Variants in HLA-DRB5 observed in about 807,000 individuals in gnomAD.
The protein encoded by HLA-DRB5 is major histocompatibility complex, class II, DR beta 5, also known as DR beta-5.
A neutral mutation model predicts 22.4 loss-of-function variants in HLA-DRB5; 11 were observed. The observed-to-expected ratio is 0.49, with a 90% CI of 0.31 to 0.81. The LOEUF (loss-of-function observed/expected upper bound fraction) is 0.81. Ranked by LOEUF, HLA-DRB5 falls within the 40% of genes least tolerant of loss-of-function variation. The pLI, the probability that HLA-DRB5 is intolerant of heterozygous loss-of-function variation, is 0.05. For missense variants in HLA-DRB5, 106 were observed against 274.4 expected, an observed-to-expected ratio of 0.39 and a Z score of 4.34; for synonymous variants, 57 against 106.0, an observed-to-expected ratio of 0.54 and a Z score of 2.84.
At chr6:32,519,832 C>T (rs376174259) in intron 2 of HLA-DRB5, among the ~76,000 whole-genome samples, 181 bp from the exon 3 acceptor site, 40,949 of 63,606 alleles carry the variant, frequency 0.64, 17,386 homozygotes, top group Middle Eastern at 0.78. Flanking sequence ...GGGGGCTCAT[C>T]AGATTTGAGA....
At chr6:32,518,973 A>G (rs112702805) in intron 3 of HLA-DRB5, among the ~76,000 whole-genome samples, 1 of 96,156 alleles carries the variant, frequency 1.0e-5, no homozygotes, top group African/African-American at 3.7e-5. Context: ...TAAAAGGCAG[A>G]GCTGATATTG....
chr6:32,528,476 T>C (rs138940971), intron 1 of HLA-DRB5, among the ~76,000 whole-genome samples: 2,848 of 46,274 alleles, frequency 0.062, 935 homozygotes, highest in Middle Eastern at 0.16. Context: ...ACTGCAAGGA[T>C]CCTGGAAAGC....
At chr6:32,521,548 T>C (rs1581586531) in intron 2 of HLA-DRB5, among the ~76,000 whole-genome samples, 2 of 125,276 alleles carry the variant, frequency 1.6e-5, no homozygotes, top group African/African-American at 5.9e-5. Flanking sequence ...TACACTTTCC[T>C]TCCCTGCATC....
intron 1 of HLA-DRB5, among the ~76,000 whole-genome samples, chr6:32,523,157 CAT>C (rs1491060716): frequency 0.065 from 2,170 of 33,158 alleles, 11 homozygotes; most frequent in Middle Eastern, 0.1. Flanking sequence ...ACCATGATCC[CAT>C]GAATGTCCAC....
At chr6:32,521,011 G>C (rs144607337) in intron 2 of HLA-DRB5, among the ~76,000 whole-genome samples, 2,023 of 27,712 alleles carry the variant, frequency 0.073, 532 homozygotes, top group Non-Finnish European at 0.096. Flanking sequence ...TTATAATTGG[G>C]CAATAAATAG....
chr6:32,523,178 C>A (rs986742694), intron 1 of HLA-DRB5, among the ~76,000 whole-genome samples: 1,020 of 42,912 alleles, frequency 0.024, 23 homozygotes, highest in Middle Eastern at 0.067. Flanking sequence ...ACAAACCTTC[C>A]TTTGCATTTC....
intron 1 of HLA-DRB5, among the ~76,000 whole-genome samples, chr6:32,525,770 G>A (rs557464536): frequency 4.2e-5 from 6 of 141,718 alleles, no homozygotes; most frequent in Admixed American, 3.6e-4. Context: ...GAAATTCATA[G>A]GCCTGGTACA....
intron 4 of HLA-DRB5, 137 bp from the exon 5 acceptor site, chr6:32,518,214 G>A (rs111475526): frequency 0.055 from 9,832 of 180,118 alleles, 323 homozygotes; most frequent in Middle Eastern, 0.16. Context: ...GCAGAGAGGA[G>A]CAGAAACAGA....
intron 1 of HLA-DRB5, among the ~76,000 whole-genome samples, chr6:32,526,968 ACC>A: frequency 1.7e-5 from 1 of 60,000 alleles, no homozygotes; most frequent in South Asian, 4.6e-4. Context: ...AAACACCACC[ACC>A]TTTCACTAAT....
At chr6:32,521,130 A>G (rs1768804411) in intron 2 of HLA-DRB5, among the ~76,000 whole-genome samples, 1 of 69,926 alleles carries the variant, frequency 1.4e-5, no homozygotes, top group South Asian at 4.5e-4. Flanking sequence ...ACAAAGGGGA[A>G]AGTGAGATAA....
chr6:32,526,258 T>C (rs564360620), intron 1 of HLA-DRB5, among the ~76,000 whole-genome samples: 1 of 47,784 alleles, frequency 2.1e-5, no homozygotes, highest in African/African-American at 7.9e-5. Context: ...CTCCTCTTAG[T>C]GGTACTCACC....
intron 3 of HLA-DRB5, 23 bp downstream of exon 3, chr6:32,519,347 T>TATGAAGTCAGA (rs1768524801): frequency 9.5e-7 from 1 of 1,054,676 alleles, no homozygotes. Flanking sequence ...TTGAGAAATT[T>TATGAAGTCAGA]ATGAAGTCAG....
intron 1 of HLA-DRB5, among the ~76,000 whole-genome samples, chr6:32,524,005 A>C (rs188614920): frequency 0.13 from 3,810 of 28,234 alleles, 496 homozygotes; most frequent in East Asian, 0.16. Flanking sequence ...AAAATTGCTC[A>C]AACATTGCCA....
At chr6:32,529,248 T>A in intron 1 of HLA-DRB5, among the ~76,000 whole-genome samples, 1 of 127,672 alleles carries the variant, frequency 7.8e-6, no homozygotes, top group Non-Finnish European at 1.7e-5. Context: ...GTTTTAACCT[T>A]ATCAAATTTC....
intron 2 of HLA-DRB5, among the ~76,000 whole-genome samples, chr6:32,520,951 A>G (rs1768779026): frequency 1.5e-5 from 1 of 66,292 alleles, no homozygotes. Flanking sequence ...CAGAAAATAG[A>G]TCATTGTCCA....
At chr6:32,527,160 C>G (rs200248344) in intron 1 of HLA-DRB5, among the ~76,000 whole-genome samples, 26,013 of 46,644 alleles carry the variant, frequency 0.56, 10,527 homozygotes, top group Middle Eastern at 0.65. Context: ...AACCACTTGT[C>G]AACCCCAACA....
At chr6:32,523,160 G>GGTA (rs200002244) in intron 1 of HLA-DRB5, among the ~76,000 whole-genome samples, 1,989 of 35,504 alleles carry the variant, frequency 0.056, 8 homozygotes, top group Middle Eastern at 0.11. Context: ...ATGATCCCAT[G>GGTA]AATGTCCACA....
Position 32,527,522 on chromosome 6 carries a change from A to T in HLA-DRB5, c.100+2603T>A, listed in dbSNP as rs1393681551. Among the ~76,000 whole-genome samples, 3 of 28,620 alleles carry T rather than the reference A, an allele frequency of 1.0e-4. 1 individual carries two copies. The highest frequency in any genetic ancestry group is 3.6e-4 in the African/African-American group (3 of 8,402). The allele number at this position is 28,620 out of a possible 152,430, so 18.8% of individuals were successfully genotyped here. On this transcript the variant is annotated intron_variant, in intron 1 of 5. Transcript: ENST00000374975. ...CAAAAAAAAAAAAAATTAAAAAATT[A>T]AAAAAAAAGAATATAAATTGACTTT...
intron 1 of HLA-DRB5, among the ~76,000 whole-genome samples, chr6:32,529,064 A>T (rs1442238023): frequency 1.3e-5 from 2 of 150,222 alleles, no homozygotes; most frequent in Non-Finnish European, 3.0e-5. Flanking sequence ...CTGGAGGAAG[A>T]GGTAAGCAGA....
Sources: allele counts gnomAD v4.1 joint callset (sites outside exome capture counted in the v4.1 genomes callset), GRCh38; gene constraint gnomAD v4.1.1; transcripts MANE v1.5; gene names NCBI Gene and HGNC (gene_info 2026-07-23, HGNC 2026-07-21).